The following ASIC2 variants were observed in gnomAD, a reference collection of about 807,000 sequenced individuals.
The protein encoded by ASIC2 is acid-sensing ion channel 2.
In ASIC2, 25 loss-of-function variants were observed where a neutral mutation model predicts 57.3. That is an observed-to-expected ratio of 0.44 (90% CI 0.32 to 0.61). The LOEUF is 0.61. Ranked by LOEUF, ASIC2 falls within the 20% of genes least tolerant of loss-of-function variation. The probability of loss-of-function intolerance (pLI) is 0.06; values close to 1 mark genes in which losing one functional copy is unlikely to be tolerated. For synonymous variants in ASIC2, 319 were observed against 307.5 expected (o/e 1.04, Z -0.39); for missense variants, 641 against 738.1 (o/e 0.87, Z 1.52).
intron 1 of ASIC2, among the ~76,000 whole-genome samples, chr17:33,484,641 C>G (rs1913519176): frequency 6.6e-6 from 1 of 152,216 alleles, no homozygotes; most frequent in African/African-American, 2.4e-5. Flanking sequence ...TACATCTCAG[C>G]TCAGACCAAC....
intron 1 of ASIC2, among the ~76,000 whole-genome samples, chr17:33,966,309 T>G (rs1905071739): frequency 6.6e-6 from 1 of 152,202 alleles, no homozygotes; most frequent in Non-Finnish European, 1.5e-5. Flanking sequence ...TGAGTTGGAA[T>G]TCCACCATGT....
chr17:33,967,686 C>G (rs895980326), intron 1 of ASIC2, among the ~76,000 whole-genome samples: 1 of 152,184 alleles, frequency 6.6e-6, no homozygotes, highest in Non-Finnish European at 1.5e-5. Flanking sequence ...TACGCCATAG[C>G]AAAATGGGTA....
chr17:33,106,826 T>C (rs1031913315), intron 2 of ASIC2, among the ~76,000 whole-genome samples: 1 of 152,114 alleles, frequency 6.6e-6, no homozygotes, highest in Non-Finnish European at 1.5e-5. Context: ...CTGTAAAATA[T>C]AAAACTTAGG....
intron 1 of ASIC2, among the ~76,000 whole-genome samples, chr17:34,009,829 C>G (rs1485682651): frequency 1.3e-5 from 2 of 152,178 alleles, no homozygotes; most frequent in African/African-American, 2.4e-5. Flanking sequence ...CCTTATTTCT[C>G]TATTTCTGAA....
chr17:33,275,444 C>T (rs991626137), intron 1 of ASIC2, among the ~76,000 whole-genome samples: 20 of 152,190 alleles, frequency 1.3e-4, no homozygotes, highest in Non-Finnish European at 1.8e-4. Context: ...GTAATAAAAA[C>T]GCCTACAGGT....
At chr17:33,423,220 C>G (rs976327891) in intron 1 of ASIC2, among the ~76,000 whole-genome samples, 4 of 152,134 alleles carry the variant, frequency 2.6e-5, no homozygotes, top group African/African-American at 9.7e-5. Flanking sequence ...GTGGTAAGGC[C>G]TAGGTCTTGG....
chr17:34,148,880 A>C (rs1439598798), intron 1 of ASIC2, among the ~76,000 whole-genome samples: 4 of 152,190 alleles, frequency 2.6e-5, no homozygotes, highest in Non-Finnish European at 5.9e-5. Flanking sequence ...ACTACCCAGG[A>C]GACTCAAGAA....
chr17:33,410,548 C>T (rs571448676), intron 1 of ASIC2, among the ~76,000 whole-genome samples: 3 of 152,340 alleles, frequency 2.0e-5, no homozygotes, highest in Non-Finnish European at 2.9e-5. Flanking sequence ...CCCTCAGCCC[C>T]ATGCCTGTGG....
intron 1 of ASIC2, among the ~76,000 whole-genome samples, chr17:33,934,963 T>C (rs1025488987): frequency 6.6e-6 from 1 of 152,200 alleles, no homozygotes; most frequent in Non-Finnish European, 1.5e-5. Flanking sequence ...TCATACATAC[T>C]GACATGCAAA....
chr17:33,472,924 T>C (rs1445376746), intron 1 of ASIC2, among the ~76,000 whole-genome samples: 1 of 152,206 alleles, frequency 6.6e-6, no homozygotes, highest in African/African-American at 2.4e-5. Context: ...CTATTTGTTG[T>C]ACTTCCCAAG....
intron 1 of ASIC2, among the ~76,000 whole-genome samples, chr17:33,625,837 G>C (rs558404648): frequency 6.6e-6 from 1 of 152,220 alleles, no homozygotes; most frequent in Admixed American, 6.5e-5. Flanking sequence ...CGCTTCATGA[G>C]TATCTTTGAA....
intron 1 of ASIC2, among the ~76,000 whole-genome samples, chr17:33,922,718 A>T (rs1388109776): frequency 6.6e-6 from 1 of 152,192 alleles, no homozygotes; most frequent in Non-Finnish European, 1.5e-5. Context: ...CACTGTGAAA[A>T]CTGAGGATTT....
intron 1 of ASIC2, among the ~76,000 whole-genome samples, chr17:33,780,742 G>T (rs1597873313): frequency 6.6e-6 from 1 of 152,290 alleles, no homozygotes; most frequent in East Asian, 1.9e-4. Context: ...TCTGCTCCCA[G>T]GCAGTGGAGG....
chr17:34,121,207 A>G (rs567102755), intron 1 of ASIC2, among the ~76,000 whole-genome samples: 1 of 152,204 alleles, frequency 6.6e-6, no homozygotes, highest in Non-Finnish European at 1.5e-5. Context: ...TTGAAGGAAA[A>G]GCATGGCCTT....
intron 1 of ASIC2, among the ~76,000 whole-genome samples, chr17:33,236,564 C>T (rs1334591454): frequency 3.3e-5 from 5 of 151,806 alleles, no homozygotes; most frequent in Non-Finnish European, 7.4e-5. Context: ...TGATCTTGAA[C>T]ACCTGGGCCC....
intron 1 of ASIC2, among the ~76,000 whole-genome samples, chr17:33,446,938 T>G (rs1912044655): frequency 6.6e-6 from 1 of 152,226 alleles, no homozygotes; most frequent in Non-Finnish European, 1.5e-5. Context: ...AGATATCATT[T>G]GGTAGATTAA....
intron 1 of ASIC2, among the ~76,000 whole-genome samples, chr17:33,934,902 C>T (rs1485833546): frequency 6.6e-6 from 1 of 152,200 alleles, no homozygotes; most frequent in Non-Finnish European, 1.5e-5. Context: ...GCCATACTCC[C>T]CACTGCTCCA....
Position 33,021,328 on chromosome 17 carries a change from AG to A in ASIC2, c.1350-19del, listed in dbSNP as rs746621578. On this transcript the variant is annotated intron_variant, in intron 6 of 9. Coordinates refer to ENST00000225823, the MANE Select transcript of ASIC2 (RefSeq NM_183377.2). Reference sequence around the variant, plus strand: ...TGTTCTCTCTGCAGAGAGAATAGTCAGTACCATACATGGTTAGAGCTATCAG... The same window carrying A: ...TGTTCTCTCTGCAGAGAGAATAGTCATACCATACATGGTTAGAGCTATCAG... The A allele has an allele frequency of 4.5e-6, 7 of 1,559,354 alleles. No individual in the cohort carries two copies. The East Asian group carries it at 1.6e-4, about 35-fold the overall frequency.
At chr17:33,060,957 CTGTT>C (rs2092018183) in intron 3 of ASIC2, among the ~76,000 whole-genome samples, 1 of 152,136 alleles carries the variant, frequency 6.6e-6, no homozygotes, top group Non-Finnish European at 1.5e-5. Flanking sequence ...ATTTGGCTCT[CTGTT>C]TGTCTGTTAT....
Sources: allele counts gnomAD v4.1 joint callset (sites outside exome capture counted in the v4.1 genomes callset), GRCh38; gene constraint gnomAD v4.1.1; transcripts MANE v1.5; gene names NCBI Gene and HGNC (gene_info 2026-07-23, HGNC 2026-07-21).